Variants in SLC6A5 observed in about 807,000 individuals in gnomAD.
SLC6A5 encodes sodium- and chloride-dependent glycine transporter 2.
A neutral mutation model predicts 90.5 loss-of-function variants in SLC6A5; 58 were observed. The ratio of observed to expected loss-of-function variants is 0.64; its 90% CI spans 0.52 to 0.80. SLC6A5 has a LOEUF of 0.80. Ranked by LOEUF, SLC6A5 falls within the 30% of genes least tolerant of loss-of-function variation. SLC6A5 has a pLI of 0.00. For missense variants in SLC6A5, 1,015 were observed against 1,017.6 expected (o/e 1.00, Z 0.03); for synonymous variants, 427 against 401.4 (o/e 1.06, Z -0.76).
intron 5 of SLC6A5, 34 bp from the exon 6 acceptor site, chr11:20,614,645 T>C (rs776782744): frequency 6.2e-7 from 1 of 1,601,114 alleles, no homozygotes; most frequent in Non-Finnish European, 8.6e-7. Flanking sequence ...TGTACAGATT[T>C]AACTGTGTTT....
At chr11:20,615,037 G>T (rs764418788) in intron 6 of SLC6A5, among the ~76,000 whole-genome samples, 4 of 152,148 alleles carry the variant, frequency 2.6e-5, no homozygotes, top group Non-Finnish European at 5.9e-5. Context: ...AATCATTGCG[G>T]CTATAATTCA....
At chr11:20,647,585 T>A (rs1242710297) in intron 14 of SLC6A5, among the ~76,000 whole-genome samples, 1 of 151,982 alleles carries the variant, frequency 6.6e-6, no homozygotes, top group Non-Finnish European at 1.5e-5. Flanking sequence ...ACAGCCACGT[T>A]TTCCACGTGC....
rs1454777775 is a variant in SLC6A5 at position 20,659,091 on chromosome 11, T to C, written c.*4223T>C. On this transcript the variant is annotated 3_prime_UTR_variant, in exon 16 of 16. Transcript: ENST00000525748. ...TATATATATATATATATCTTATAGA[T>C]TACATATTATATACTGCACATTATT... 2.7e-5 allele frequency: 4 copies of C among 148,610 alleles called. No homozygotes were observed. The highest frequency in any genetic ancestry group is 9.8e-5 in the African/African-American group (4 of 40,692). 9.2% of individuals were successfully genotyped at this position (148,610 alleles called of 1,614,324 possible).
At chr11:20,602,167 G>A (rs945714054) in intron 2 of SLC6A5, among the ~76,000 whole-genome samples, 3 of 152,178 alleles carry the variant, frequency 2.0e-5, no homozygotes, top group Admixed American at 6.5e-5. Context: ...CTCATTTGAT[G>A]CGAGGTGGGT....
At chr11:20,644,080 A>T (rs1288535168) in intron 13 of SLC6A5, among the ~76,000 whole-genome samples, 1 of 152,198 alleles carries the variant, frequency 6.6e-6, no homozygotes, top group African/African-American at 2.4e-5. Flanking sequence ...ACAAGTTATA[A>T]TTGTATATAT....
intron 13 of SLC6A5, among the ~76,000 whole-genome samples, chr11:20,644,368 C>T (rs370857172): frequency 7.2e-5 from 11 of 152,244 alleles, no homozygotes; most frequent in East Asian, 1.9e-4. Context: ...TATTTTACTT[C>T]GCATAATGTC....
At chr11:20,637,439 A>G in intron 12 of SLC6A5, 136 bp downstream of exon 12, 1 of 770,376 alleles carries the variant, frequency 1.3e-6, no homozygotes, top group South Asian at 1.5e-5. Flanking sequence ...AGATGGCACC[A>G]GTTCATTAGG....
chr11:20,606,859 A>C (rs1285164313), intron 3 of SLC6A5, 148 bp from the exon 4 acceptor site: 3 of 923,292 alleles, frequency 3.2e-6, no homozygotes, highest in Non-Finnish European at 5.1e-6. Context: ...CTGTTGCTGA[A>C]ACAGGACATC....
intron 13 of SLC6A5, among the ~76,000 whole-genome samples, chr11:20,639,952 T>C (rs1324609199): frequency 2.0e-5 from 3 of 152,196 alleles, no homozygotes; most frequent in Non-Finnish European, 4.4e-5. Context: ...GCCTAGATCC[T>C]GCAGTGATTG....
chr11:20,625,119 T>TG (rs1407684739), intron 7 of SLC6A5, among the ~76,000 whole-genome samples: 1 of 151,776 alleles, frequency 6.6e-6, no homozygotes, highest in Non-Finnish European at 1.5e-5. Flanking sequence ...GCTCTCACAC[T>TG]GCTCCTTCTG....
At chr11:20,643,506 G>A (rs187777879) in intron 13 of SLC6A5, among the ~76,000 whole-genome samples, 5 of 152,256 alleles carry the variant, frequency 3.3e-5, no homozygotes, top group South Asian at 2.1e-4. Context: ...TGACCTCTCC[G>A]GAAAAGCCTT....
At chr11:20,608,594 G>T (rs1354572291) in intron 5 of SLC6A5, among the ~76,000 whole-genome samples, 1 of 152,190 alleles carries the variant, frequency 6.6e-6, no homozygotes, top group African/African-American at 2.4e-5. Context: ...AATAAAAGGT[G>T]CTAGTAGCAG....
At chr11:20,605,861 C>G (rs1852569222) in intron 3 of SLC6A5, among the ~76,000 whole-genome samples, 1 of 152,224 alleles carries the variant, frequency 6.6e-6, no homozygotes, top group Non-Finnish European at 1.5e-5. Flanking sequence ...CAATCCCTGT[C>G]TTGAGAGGAT....
rs199641118 is a variant in SLC6A5 at position 20,626,699 on chromosome 11, C to T, written c.1261-9C>T. 5.3e-5 allele frequency: 85 copies of T among 1,613,966 alleles called. No homozygotes were observed. The highest frequency in any genetic ancestry group is 6.4e-5 in the Non-Finnish European group (76 of 1,179,888). ...CTTCTTCCAGCCCCTCTGCCCATGG[C>T]TTTTCTAGGTGGTGTACTTCACGGC... is the stretch of plus-strand genomic sequence containing the variant. On this transcript the variant is annotated splice_polypyrimidine_tract_variant and intron_variant, in intron 7 of 15. Coordinates refer to ENST00000525748, the MANE Select transcript of SLC6A5 (RefSeq NM_004211.5).
chr11:20,610,589 AAC>A (rs1446002848), intron 5 of SLC6A5, among the ~76,000 whole-genome samples: 31 of 152,346 alleles, frequency 2.0e-4, no homozygotes, highest in African/African-American at 6.7e-4. Context: ...TTATTTACAG[AAC>A]AGAGATATGG....
intron 13 of SLC6A5, among the ~76,000 whole-genome samples, chr11:20,639,648 C>G (rs189659871): frequency 6.6e-6 from 1 of 152,054 alleles, no homozygotes; most frequent in Non-Finnish European, 1.5e-5. Flanking sequence ...TAGCCTCCAC[C>G]GAAGAGGTGC....
At chr11:20,629,256 T>G (rs1043821481) in intron 9 of SLC6A5, 1 of 152,122 alleles carries the variant, frequency 6.6e-6, no homozygotes, top group Admixed American at 6.6e-5. Context: ...CCCTTTGTCC[T>G]TCTCAACCCT....
At position 20,636,320 on chromosome 11, in the gene SLC6A5, A is replaced by G. The variant is rs1343727491; in HGVS notation, c.1638A>G (p.Ala546=). The G allele has an allele frequency of 1.2e-6, 2 of 1,612,104 alleles. No individual in the cohort carries two copies. The highest frequency in any genetic ancestry group is 2.7e-5 in the African/African-American group (2 of 74,880). Residue 546 remains alanine (A), a synonymous_variant, in exon 11 of 16, where the codon GCA becomes GCG. Coordinates refer to ENST00000525748, the MANE Select transcript of SLC6A5 (RefSeq NM_004211.5). ...TGTTCCTTCCAGGGCCAGGCATTGC[A>G]TTTGTGGTTTACCCGGAAGCCTTAA... The part of the protein sequence containing the change: ...ENVADQGPGI[A]FVVYPEALTR...
At chr11:20,646,655 C>T (rs1853420492) in intron 13 of SLC6A5, among the ~76,000 whole-genome samples, 179 bp from the exon 14 acceptor site, 1 of 152,156 alleles carries the variant, frequency 6.6e-6, no homozygotes, top group Admixed American at 6.5e-5. Context: ...TTGCCTTAAT[C>T]TTCCTGGCAG....
Sources: gnomAD v4.1 joint callset for allele counts (sites outside exome capture counted in the v4.1 genomes callset) on GRCh38, gnomAD v4.1.1 for gene constraint, MANE v1.5 for transcripts, NCBI Gene and HGNC (gene_info 2026-07-23, HGNC 2026-07-21) for gene names.